Variants in CARD6 observed in about 807,000 individuals in gnomAD.
The protein encoded by CARD6 is caspase recruitment domain-containing protein 6.
Under a neutral mutation model 23.6 loss-of-function variants are expected in CARD6, and 27 were observed. The observed-to-expected ratio is 1.14, with a 90% CI of 0.84 to 1.58. The LOEUF (loss-of-function observed/expected upper bound fraction) is 1.58, where lower values mean the gene tolerates loss of function less well. Ranked by LOEUF, CARD6 falls within the 40% of genes most tolerant of loss-of-function variation. The pLI is 0.00. For synonymous variants in CARD6, 397 were observed against 431.8 expected (o/e 0.92, Z 1.00); for missense variants, 1,214 against 1,209.9 (o/e 1.00, Z -0.05).
At chr5:40,841,798 T>C in intron 1 of CARD6, 133 bp downstream of exon 1, 1 of 755,066 alleles carries the variant, frequency 1.3e-6, no homozygotes. Context: ...CATTGAAATA[T>C]GAAATAGGGA....
intron 2 of CARD6, among the ~76,000 whole-genome samples, chr5:40,850,721 CAAAAA>C (rs34372703): frequency 1.1e-4 from 5 of 46,526 alleles, no homozygotes; most frequent in South Asian, 1.3e-3. Context: ...ACTCCGTCTC[CAAAAA>C]AAAAAAAAAA....
chr5:40,849,850 T>A (rs1746026274), intron 2 of CARD6, among the ~76,000 whole-genome samples: 1 of 151,916 alleles, frequency 6.6e-6, no homozygotes, highest in African/African-American at 2.4e-5. Context: ...GTTGATGGTG[T>A]GCACTTGTGG....
At chr5:40,843,108 A>G in intron 1 of CARD6, 44 bp from the exon 2 acceptor site, 1 of 1,346,390 alleles carries the variant, frequency 7.4e-7, no homozygotes, top group African/African-American at 1.5e-5. Context: ...GCTGTTATAC[A>G]GCTTCTTTTT....
chr5:40,844,014 T>A (rs1230046927), intron 2 of CARD6, among the ~76,000 whole-genome samples: 2 of 152,068 alleles, frequency 1.3e-5, no homozygotes, highest in South Asian at 2.1e-4. Context: ...GTACGAGGAG[T>A]TGCTAATCAT....
In CARD6 at chr5:40,853,833, A is replaced by T; in HGVS notation, c.2501A>T (p.Gln834Leu). The change falls in exon 3 of 3, where the codon CAA (glutamine) becomes CTA (leucine). Residue 834 changes from glutamine (Q) to leucine (L), a missense_variant. By Grantham distance (113) the Gln-to-Leu change is moderately radical. Transcript: ENST00000254691. ...QHVQACPERP[Q>L]MMGTLERSRA... ...GTACAGGCCTGCCCTGAGAGACCAC[A>T]AATGATGGGAACTCTTGAAAGGTCT... 1 of 1,614,192 alleles carries T rather than the reference A, an allele frequency of 6.2e-7. No homozygotes were observed. Among genetic ancestry groups the T allele is most frequent in the East Asian group, 2.2e-5 (1 of 44,882 alleles).
chr5:40,847,228 G>A (rs915707769), intron 2 of CARD6, among the ~76,000 whole-genome samples: 2 of 152,184 alleles, frequency 1.3e-5, no homozygotes, highest in Admixed American at 6.5e-5. Flanking sequence ...TCAAAGGAAG[G>A]TCTTCATGCT....
intron 1 of CARD6, among the ~76,000 whole-genome samples, 189 bp downstream of exon 1, chr5:40,841,854 C>T (rs173969): frequency 0.45 from 67,816 of 152,044 alleles, 15,584 homozygotes; most frequent in African/African-American, 0.56. Context: ...TCTTATTGGT[C>T]TACTGAATCG....
At chr5:40,850,237 A>T (rs1302532409) in intron 2 of CARD6, among the ~76,000 whole-genome samples, 1 of 151,410 alleles carries the variant, frequency 6.6e-6, no homozygotes, top group Non-Finnish European at 1.5e-5. Context: ...ACATAGTGAA[A>T]CCCTGTCTCT....
Position 40,853,232 on chromosome 5 carries a change from T to C in CARD6, c.1900T>C (p.Phe634Leu). Residue 634 changes from phenylalanine to leucine, a missense_variant, in exon 3 of 3, where the codon TTC (phenylalanine) becomes CTC (leucine). Phe to Leu is a conservative substitution (Grantham distance 22). Transcript: ENST00000254691. The stretch of plus-strand genomic sequence containing the variant: ...TCAAGCTGCCCTCCAGGAAGTGATG[T>C]TCTCTTCTTGCCTCAGATGTGTGTC... Reference protein sequence around the residue: ...GLQAALQEVMFSSCLRCVSVE... With the variant: ...GLQAALQEVMLSSCLRCVSVE... 6.2e-7 allele frequency: 1 copy of C among 1,614,206 alleles called. No homozygotes were observed. Among genetic ancestry groups the C allele is most frequent in the Non-Finnish European group, 8.5e-7 (1 of 1,180,012 alleles).
Position 40,850,413 on chromosome 5 carries a change from C to CAAAAAAA in CARD6, c.842-1747_842-1741dup, listed in dbSNP as rs70988813. 5.0e-3 allele frequency among the ~76,000 whole-genome samples: 184 copies of CAAAAAAA among 36,588 alleles called. 29 individuals carry two copies. Among genetic ancestry groups the CAAAAAAA allele is most frequent in the East Asian group, 0.011 (10 of 892 alleles). The allele number at this position is 36,588 out of a possible 152,430, so 24.0% of individuals were successfully genotyped here. A position where few individuals can be genotyped will look rare whatever the true frequency, so the allele number is the denominator to read the frequency against. ...TGGGTGACAGAGTGACACTCCATCTCAAAAAAAAAAAAAAAAAAAAGCCAG... is the reference window on the plus strand; with the variant it reads ...TGGGTGACAGAGTGACACTCCATCTCAAAAAAAAAAAAAAAAAAAAAAAAAAAGCCAG... On this transcript the variant is annotated intron_variant, in intron 2 of 2. Coordinates refer to ENST00000254691, the MANE Select transcript of CARD6 (RefSeq NM_032587.4).
chr5:40,852,153 C>CTATT (rs1746076574), intron 2 of CARD6, 21 bp from the exon 3 acceptor site: 1 of 1,482,378 alleles, frequency 6.7e-7, no homozygotes, highest in South Asian at 1.2e-5. Flanking sequence ...ATGGCATTCA[C>CTATT]TATTATCTTC....
At chr5:40,848,240 T>C (rs1299565664) in intron 2 of CARD6, among the ~76,000 whole-genome samples, 3 of 150,640 alleles carry the variant, frequency 2.0e-5, no homozygotes, top group African/African-American at 4.9e-5. Flanking sequence ...GACAGAGTCT[T>C]ACTCTGTTGC....
rs1400291065 is a variant in CARD6 at position 40,855,329 on chromosome 5, C to G, written c.*883C>G. Reference sequence around the variant, plus strand: ...TAGGTAGAAATAATGAATTAACAACCAATAAAATTAATCATTTGGCATTAA... The same window carrying G: ...TAGGTAGAAATAATGAATTAACAACGAATAAAATTAATCATTTGGCATTAA... On this transcript the variant is annotated 3_prime_UTR_variant, in exon 3 of 3. Transcript: ENST00000254691. 6.6e-6 allele frequency: 1 copy of G among 152,278 alleles called. No individual in the cohort carries two copies. Among genetic ancestry groups the G allele is most frequent in the African/African-American group, 2.4e-5 (1 of 41,426 alleles). The allele number at this position is 152,278 out of a possible 1,614,324, so 9.4% of individuals were successfully genotyped here.
intron 1 of CARD6, among the ~76,000 whole-genome samples, chr5:40,841,995 G>C (rs2112165922): frequency 6.6e-6 from 1 of 152,250 alleles, no homozygotes; most frequent in Admixed American, 6.5e-5. Context: ...ACACAATCCA[G>C]GGTTTGTTTT....
intron 2 of CARD6, among the ~76,000 whole-genome samples, chr5:40,849,038 G>A (rs867476595): frequency 6.6e-6 from 1 of 151,942 alleles, no homozygotes; most frequent in South Asian, 2.1e-4. Flanking sequence ...TGACAGGCTG[G>A]AGTGCAGGGC....
In CARD6 at chr5:40,852,298, A is replaced by G; in HGVS notation, c.966A>G (p.Pro322=). ...GATGTAAGTGGACCCCTGAGAGTCC[A>G]GGAGACTTAGCCTGGAATTTCCTGA... ...DRGCKWTPES[P]GDLAWNFLMK... is the part of the protein sequence containing the mutation. The change falls in exon 3 of 3, where the codon CCA becomes CCG. Residue 322 remains proline, a synonymous_variant. Coordinates refer to ENST00000254691, the MANE Select transcript of CARD6 (RefSeq NM_032587.4). 3 of 1,614,208 alleles carry G rather than the reference A, an allele frequency of 1.9e-6. No individual in the cohort carries two copies. The highest frequency in any genetic ancestry group is 1.1e-5 in the South Asian group (1 of 91,078).
At chr5:40,846,690 T>A (rs190433531) in intron 2 of CARD6, among the ~76,000 whole-genome samples, 34 of 152,286 alleles carry the variant, frequency 2.2e-4, no homozygotes, top group African/African-American at 7.5e-4. Flanking sequence ...ACATCATCTA[T>A]CCTCTGTGCA....
rs1206961860 is a variant in CARD6, at chr5:40,854,286, C to T, written c.2954C>T (p.Ser985Phe). 6.2e-7 allele frequency: 1 copy of T among 1,614,030 alleles called. No homozygotes were observed. The highest frequency in any genetic ancestry group is 8.5e-7 in the Non-Finnish European group (1 of 1,180,034). The change falls in exon 3 of 3, where the codon TCT becomes TTT. Residue 985 changes from serine to phenylalanine, a missense_variant. Coordinates refer to ENST00000254691, the MANE Select transcript of CARD6 (RefSeq NM_032587.4). ...CQSQPSQTKP[S>F]PCKSTQPKPS... Reference sequence around the variant, plus strand: ...TCCCAGCCCTCCCAAACTAAACCTTCTCCATGCAAATCTACTCAGCCTAAG... The same window carrying T: ...TCCCAGCCCTCCCAAACTAAACCTTTTCCATGCAAATCTACTCAGCCTAAG...
At chr5:40,847,710 A>G (rs1745989046) in intron 2 of CARD6, among the ~76,000 whole-genome samples, 1 of 151,586 alleles carries the variant, frequency 6.6e-6, no homozygotes, top group Admixed American at 6.6e-5. Flanking sequence ...TTTATCATTG[A>G]TCCTCTGTAA....
Sources: allele counts gnomAD v4.1 joint callset (sites outside exome capture counted in the v4.1 genomes callset), GRCh38; gene constraint gnomAD v4.1.1; transcripts MANE v1.5; gene names NCBI Gene and HGNC (gene_info 2026-07-23, HGNC 2026-07-21).